The following TASP1 variants were observed in gnomAD, a reference collection of about 807,000 sequenced individuals.
TASP1 encodes threonine aspartase 1.
In TASP1, 16 loss-of-function variants were observed where a neutral mutation model predicts 56.6. The ratio of observed to expected loss-of-function variants is 0.28; its 90% CI spans 0.19 to 0.43. The LOEUF (loss-of-function observed/expected upper bound fraction) is 0.43, where lower values mean the gene tolerates loss of function less well. Ranked by LOEUF, TASP1 falls within the 20% of genes least tolerant of loss-of-function variation. TASP1 has a pLI of 1.00. For synonymous variants in TASP1, 179 were observed against 184.2 expected, an observed-to-expected ratio of 0.97 and a Z score of 0.23; for missense variants, 393 against 511.6, an observed-to-expected ratio of 0.77 and a Z score of 2.24.
At chr20:13,267,859 G>C in the TASP1 span, among the ~76,000 whole-genome samples, 3 of 152,270 alleles carry the variant, frequency 2.0e-5, no homozygotes, top group Admixed American at 6.5e-5. Context: ...TATGAAGTTA[G>C]GGCTTGATTT....
At chr20:13,243,601 G>C in the TASP1 span, among the ~76,000 whole-genome samples, 9 of 152,072 alleles carry the variant, frequency 5.9e-5, no homozygotes, top group South Asian at 1.9e-3. Context: ...ACGACCATCT[G>C]AATGCCATTG....
chr20:13,121,027 A>T, the TASP1 span, among the ~76,000 whole-genome samples: 2 of 152,234 alleles, frequency 1.3e-5, no homozygotes, highest in Non-Finnish European at 2.9e-5. Context: ...CTTTGAAGGA[A>T]AGCCTAAGCT....
At chr20:13,110,310 A>C in the TASP1 span, 1 of 1,045,972 alleles carries the variant, frequency 9.6e-7, no homozygotes, top group Non-Finnish European at 1.4e-6. Context: ...AAACAGAGAA[A>C]TGACTTAGAA....
At chr20:13,250,680 A>T in the TASP1 span, among the ~76,000 whole-genome samples, 1 of 152,362 alleles carries the variant, frequency 6.6e-6, no homozygotes, top group African/African-American at 2.4e-5. Context: ...TGTAAGCTCC[A>T]TGAGGGTAAG....
chr20:13,125,660 G>A, the TASP1 span, among the ~76,000 whole-genome samples: 2,228 of 152,324 alleles, frequency 0.015, 25 homozygotes, highest in Non-Finnish European at 0.024. Flanking sequence ...GGTAGCTTCA[G>A]CTGGAATGGT....
intron 12 of TASP1, among the ~76,000 whole-genome samples, chr20:13,427,166 T>G (rs1415983273): frequency 2.0e-5 from 3 of 152,214 alleles, no homozygotes; most frequent in African/African-American, 7.2e-5. Context: ...TGTTTATATG[T>G]GCTCGCCAAA....
chr20:13,526,191 CTT>C (rs1233775856), intron 10 of TASP1, among the ~76,000 whole-genome samples: 1 of 152,086 alleles, frequency 6.6e-6, no homozygotes, highest in Non-Finnish European at 1.5e-5. Context: ...TTGGAAATCT[CTT>C]TTCCAAATTG....
rs2043184549 is a variant in TASP1 at position 13,440,698 on chromosome 20, G to A, written c.986-5544C>T. Among the ~76,000 whole-genome samples the A allele has an allele frequency of 2.0e-5, 3 of 151,446 alleles. No individual in the cohort carries two copies. In the South Asian group the frequency reaches 6.2e-4, roughly 31 times the overall value. On this transcript the variant is annotated intron_variant, in intron 11 of 13. Coordinates refer to ENST00000337743, the MANE Select transcript of TASP1 (RefSeq NM_017714.3). ...GATAAGCTAAAAAAAAAAAAAGAGGGAGAAATATAATACACTGAGAGAAGT... is the reference window on the plus strand; with the variant it reads ...GATAAGCTAAAAAAAAAAAAAGAGGAAGAAATATAATACACTGAGAGAAGT...
At position 13,582,105 on chromosome 20, in the gene TASP1, CA is replaced by C. The variant is rs1266211532; in HGVS notation, c.404-1125del. On this transcript the variant is annotated intron_variant, in intron 5 of 13. Coordinates refer to ENST00000337743, the MANE Select transcript of TASP1 (RefSeq NM_017714.3). ...ATGTAGCTCAATACCAAATCTTCCA[CA>C]AAAAAAGTATGAAATACAAAAAAAA... Among the ~76,000 whole-genome samples the C allele has an allele frequency of 3.5e-5, 4 of 115,354 alleles. 1 individual carries two copies. Among genetic ancestry groups the C allele is most frequent in the South Asian group, 2.6e-4 (1 of 3,844 alleles). The allele number at this position is 115,354 out of a possible 152,430, so 75.7% of individuals were successfully genotyped here. A position where few individuals can be genotyped will look rare whatever the true frequency, so the allele number is the denominator to read the frequency against.
chr20:13,360,591 T>C, the TASP1 span, among the ~76,000 whole-genome samples: 1 of 152,242 alleles, frequency 6.6e-6, no homozygotes, highest in African/African-American at 2.4e-5. Context: ...CCCTCATGTC[T>C]GCGTGCAGCA....
chr20:13,373,227 T>C, the TASP1 span, among the ~76,000 whole-genome samples: 4 of 152,138 alleles, frequency 2.6e-5, no homozygotes, highest in Non-Finnish European at 5.9e-5. Context: ...TTTCCATCTA[T>C]TATAGCCCCA....
chr20:13,110,294 CTA>C, the TASP1 span: 1 of 1,207,616 alleles, frequency 8.3e-7, no homozygotes, highest in Non-Finnish European at 1.2e-6. Flanking sequence ...CTCACCTTTC[CTA>C]GCTAAACAGA....
chr20:13,393,084 G>T, intron 13 of TASP1: 1 of 614,812 alleles, frequency 1.6e-6, no homozygotes, highest in South Asian at 1.5e-5. Flanking sequence ...CATGAACCAT[G>T]AGAAGTATGA....
At chr20:13,547,566 T>A (rs760242508) in intron 8 of TASP1, among the ~76,000 whole-genome samples, 6 of 152,212 alleles carry the variant, frequency 3.9e-5, no homozygotes, top group Admixed American at 6.5e-5. Context: ...GCTTAAAAGT[T>A]TGGGTTTTAA....
chr20:13,592,545 A>C (rs1211021717), intron 4 of TASP1, among the ~76,000 whole-genome samples: 1 of 152,186 alleles, frequency 6.6e-6, no homozygotes, highest in Non-Finnish European at 1.5e-5. Context: ...TACCAAAAAT[A>C]TATCAAAACA....
intron 11 of TASP1, among the ~76,000 whole-genome samples, chr20:13,476,152 A>G (rs1191943245): frequency 6.6e-6 from 1 of 152,108 alleles, no homozygotes; most frequent in Non-Finnish European, 1.5e-5. Flanking sequence ...ACAAATAAAT[A>G]AAGTCTTTGG....
At chr20:13,393,638 G>A in intron 13 of TASP1, 2 of 1,287,070 alleles carry the variant, frequency 1.6e-6, no homozygotes, top group Non-Finnish European at 2.2e-6. Flanking sequence ...GCAATATGGT[G>A]GTGGACCTCA....
chr20:13,239,538 A>G, the TASP1 span: 1 of 152,194 alleles, frequency 6.6e-6, no homozygotes, highest in Non-Finnish European at 1.5e-5. Context: ...GACAATCTAC[A>G]TGAAGTACCT....
chr20:13,512,531 C>T (rs563308955), intron 10 of TASP1, among the ~76,000 whole-genome samples: 1 of 152,084 alleles, frequency 6.6e-6, no homozygotes, highest in Non-Finnish European at 1.5e-5. Context: ...GATTGCAAAA[C>T]TTTTCTCCCA....
Sources: gnomAD v4.1 joint callset for allele counts (sites outside exome capture counted in the v4.1 genomes callset) on GRCh38, gnomAD v4.1.1 for gene constraint, MANE v1.5 for transcripts, NCBI Gene and HGNC (gene_info 2026-07-23, HGNC 2026-07-21) for gene names.